The following SOX5 variants were observed in gnomAD, a reference collection of about 807,000 sequenced individuals.
SOX5 encodes the protein SRY-box transcription factor 5.
SOX5 carries 9 observed loss-of-function variants against 92.0 expected under a neutral mutation model. The ratio of observed to expected loss-of-function variants is 0.10; its 90% confidence interval spans 0.06 to 0.17. The LOEUF (loss-of-function observed/expected upper bound fraction) is 0.17. Among genes scored for constraint, SOX5 ranks in the 10% least tolerant of loss-of-function variants. The pLI is 1.00. For missense variants in SOX5, 642 were observed against 944.5 expected, an observed-to-expected ratio of 0.68 and a Z score of 4.20; for synonymous variants, 344 against 336.3, an observed-to-expected ratio of 1.02 and a Z score of -0.25.
intron 4 of SOX5, among the ~76,000 whole-genome samples, chr12:24,039,814 C>A (rs1029527999): frequency 6.6e-6 from 1 of 152,062 alleles, no homozygotes; most frequent in Non-Finnish European, 1.5e-5. Context: ...GAAACCTAAT[C>A]AAGGAAAAGT....
At chr12:24,079,824 CT>C (rs1943106785) in intron 4 of SOX5, among the ~76,000 whole-genome samples, 2 of 151,662 alleles carry the variant, frequency 1.3e-5, no homozygotes, top group South Asian at 4.1e-4. Flanking sequence ...TTTTAAACAC[CT>C]TTTTTTGTAG....
Position 23,755,887 on chromosome 12 carries a change from C to T in SOX5, c.482-163G>A, listed in dbSNP as rs137955964. Among the ~76,000 whole-genome samples, 397 of 151,904 alleles carry T rather than the reference C, an allele frequency of 2.6e-3. 2 individuals carry two copies. The highest frequency in any genetic ancestry group is 8.0e-3 in the East Asian group (41 of 5,154). On this transcript the variant is annotated intron_variant, in intron 3 of 14. Coordinates refer to ENST00000451604, the MANE Select transcript of SOX5 (RefSeq NM_006940.6). ...CAGGGGTGGAAAAAAAGAATGTGTC[C>T]TGTCACCTGCTGTTTCAAAATCATT...
chr12:24,112,396 A>C lies in SOX5; in HGVS notation c.-2+100947T>G, dbSNP rs80324486. 9.9e-3 allele frequency among the ~76,000 whole-genome samples: 1,511 copies of C among 152,242 alleles called. 18 individuals are homozygous for C. The highest frequency in any genetic ancestry group is 0.034 in the African/African-American group (1,410 of 41,538). On this transcript the variant is annotated intron_variant, in intron 4 of 4. Coordinates refer to the SOX5 transcript ENST00000446891. Reference sequence around the variant, plus strand: ...TTCCAACAGAAATGGTCTAGCCCTCAAAACCTAAAATGTTTACTCTCTGGT... The same window carrying C: ...TTCCAACAGAAATGGTCTAGCCCTCCAAACCTAAAATGTTTACTCTCTGGT...
chr12:24,224,982 T>C (rs1489345277), intron 3 of SOX5, among the ~76,000 whole-genome samples: 1 of 152,334 alleles, frequency 6.6e-6, no homozygotes, highest in East Asian at 1.9e-4. Flanking sequence ...ATTTAGTGTG[T>C]TGAATTCTCA....
chr12:23,749,964 A>AGTGT (rs563005959), intron 4 of SOX5, among the ~76,000 whole-genome samples: 7 of 150,958 alleles, frequency 4.6e-5, no homozygotes, highest in African/African-American at 1.5e-4. Context: ...TACAAAACTG[A>AGTGT]GTGTGTGTGT....
At chr12:23,961,592 C>A (rs1242198854) in intron 4 of SOX5, among the ~76,000 whole-genome samples, 1 of 152,134 alleles carries the variant, frequency 6.6e-6, no homozygotes, top group Non-Finnish European at 1.5e-5. Flanking sequence ...TGAGGTATCA[C>A]CCCCTATTGG....
intron 3 of SOX5, among the ~76,000 whole-genome samples, chr12:23,835,433 A>C (rs1020619736): frequency 6.6e-6 from 1 of 151,916 alleles, no homozygotes; most frequent in East Asian, 1.9e-4. Context: ...ATGGAGTCCT[A>C]AAATGTATCT....
At chr12:24,488,819 A>G (rs4963765) in intron 1 of SOX5, among the ~76,000 whole-genome samples, 46,786 of 152,076 alleles carry the variant, frequency 0.31, 8,560 homozygotes, top group East Asian at 0.72. Context: ...AGGTGATGTT[A>G]GGTGATTTCC....
intron 3 of SOX5, among the ~76,000 whole-genome samples, chr12:24,249,398 T>C (rs938374708): frequency 2.0e-4 from 30 of 152,174 alleles, no homozygotes; most frequent in Admixed American, 2.0e-4. Context: ...AACAGAAATA[T>C]GGGTGCATAA....
At chr12:24,394,453 C>A (rs11047413) in intron 1 of SOX5, among the ~76,000 whole-genome samples, 4 of 152,120 alleles carry the variant, frequency 2.6e-5, no homozygotes, top group African/African-American at 4.8e-5. Context: ...ATTTGCTGAC[C>A]TGACCATCCA....
At chr12:24,503,531 T>A (rs2077283810) in intron 1 of SOX5, among the ~76,000 whole-genome samples, 1 of 152,206 alleles carries the variant, frequency 6.6e-6, no homozygotes, top group African/African-American at 2.4e-5. Context: ...CACACGTATG[T>A]TTATTGTAGT....
At chr12:23,994,069 A>ACACCACTGG (rs948939749) in intron 4 of SOX5, among the ~76,000 whole-genome samples, 1 of 151,966 alleles carries the variant, frequency 6.6e-6, no homozygotes, top group Non-Finnish European at 1.5e-5. Context: ...AGCCATGATC[A>ACACCACTGG]CACCACTGGC....
rs980150545 is a variant in SOX5 at position 23,744,448 on chromosome 12, C to T, written c.569-3409G>A. On this transcript the variant is annotated intron_variant, in intron 4 of 14. Transcript: ENST00000451604. ...AACATGGATAAAGTGAAACTCACCA[C>T]TTTCCTGTAATTTTAAAGCATTATT... Among the ~76,000 whole-genome samples the T allele has an allele frequency of 6.6e-5, 10 of 152,208 alleles. No individual in the cohort carries two copies. The East Asian group carries it at 1.9e-3, about 29-fold the overall frequency.
intron 3 of SOX5, among the ~76,000 whole-genome samples, chr12:24,259,381 T>C (rs758950157): frequency 2.0e-5 from 3 of 152,254 alleles, no homozygotes; most frequent in Non-Finnish European, 4.4e-5. Flanking sequence ...TATACACGCA[T>C]ATTGAGCTAT....
intron 4 of SOX5, among the ~76,000 whole-genome samples, chr12:24,173,589 G>C (rs1263360775): frequency 6.6e-6 from 1 of 152,170 alleles, no homozygotes; most frequent in African/African-American, 2.4e-5. Flanking sequence ...ATAGCAACAT[G>C]GTGAGGTTAA....
chr12:23,626,465 T>C (rs1311930826), intron 8 of SOX5, among the ~76,000 whole-genome samples: 1 of 152,152 alleles, frequency 6.6e-6, no homozygotes, highest in Non-Finnish European at 1.5e-5. Context: ...TCCTGCTTAA[T>C]TGGATCTTCA....
intron 8 of SOX5, among the ~76,000 whole-genome samples, chr12:23,629,632 C>T (rs902944070): frequency 3.9e-5 from 6 of 151,988 alleles, no homozygotes; most frequent in South Asian, 2.1e-4. Context: ...ACTTGGAGTC[C>T]GGTGAATAGT....
At chr12:23,970,782 T>C (rs1225737992) in intron 4 of SOX5, among the ~76,000 whole-genome samples, 1 of 131,126 alleles carries the variant, frequency 7.6e-6, no homozygotes, top group Non-Finnish European at 1.6e-5. Flanking sequence ...TGCAATTCTT[T>C]TGGGTATATA....
intron 9 of SOX5, among the ~76,000 whole-genome samples, chr12:23,601,887 G>A (rs537724909): frequency 1.7e-4 from 26 of 152,126 alleles, no homozygotes; most frequent in Admixed American, 9.8e-4. Context: ...CTGACAATAA[G>A]AGTGGTTGTG....
Sources: allele counts gnomAD v4.1 joint callset (sites outside exome capture counted in the v4.1 genomes callset), GRCh38; gene constraint gnomAD v4.1.1; transcripts MANE v1.5; gene names NCBI Gene and HGNC (gene_info 2026-07-23, HGNC 2026-07-21).